The following DRC11 variants were observed in gnomAD, a reference collection of about 807,000 sequenced individuals.
The protein encoded by DRC11 is dynein regulatory complex subunit 11.
chr2:236,402,026 TAA>T, the DRC11 span, among the ~76,000 whole-genome samples: 2 of 152,172 alleles, frequency 1.3e-5, no homozygotes, highest in African/African-American at 4.8e-5. The surrounding 1 kb of genome is among the most constrained non-coding windows in gnomAD (Gnocchi z 6.0). Context: ...ACCATCGGAA[TAA>T]AAGAGGCTGG....
the DRC11 span, among the ~76,000 whole-genome samples, chr2:236,370,612 G>A: frequency 7.9e-5 from 12 of 152,302 alleles, 1 homozygote; most frequent in Admixed American, 7.2e-4. The surrounding 1 kb of genome is among the most constrained non-coding windows in gnomAD (Gnocchi z 5.5). Context: ...CAGGGGTGGG[G>A]ACTGGCAAGA....
At chr2:236,382,170 C>T in the DRC11 span, among the ~76,000 whole-genome samples, 1 of 152,128 alleles carries the variant, frequency 6.6e-6, no homozygotes, top group Admixed American at 6.6e-5. Flanking sequence ...TTATGGATCT[C>T]CAGTTACTCT....
the DRC11 span, among the ~76,000 whole-genome samples, chr2:236,364,338 C>T: frequency 2.8e-5 from 4 of 145,406 alleles, no homozygotes; most frequent in African/African-American, 7.6e-5. Context: ...TTGTCGGCAG[C>T]AGCATTAAAT....
At chr2:236,409,837 A>T in the DRC11 span, among the ~76,000 whole-genome samples, 2 of 152,154 alleles carry the variant, frequency 1.3e-5, no homozygotes, top group Middle Eastern at 3.2e-3. Flanking sequence ...GAATTTTGTC[A>T]AAGGCCTTTT....
the DRC11 span, chr2:236,392,365 G>A: frequency 5.6e-6 from 8 of 1,430,672 alleles, no homozygotes; most frequent in East Asian, 1.7e-4. This position sits in a 1 kb window ranked among gnomAD's most constrained non-coding sequence, Gnocchi z 5.1. Context: ...ACTCCAGAAG[G>A]GTAAAGAAAA....
chr2:236,503,650 G>A, the DRC11 span: 3 of 1,550,818 alleles, frequency 1.9e-6, no homozygotes, highest in Admixed American at 5.9e-5. The surrounding 1 kb of genome is among the most constrained non-coding windows in gnomAD (Gnocchi z 4.9). Flanking sequence ...TCAGCGCTGA[G>A]AGACGGCGTC....
At chr2:236,419,631 AG>A in the DRC11 span, among the ~76,000 whole-genome samples, 1 of 152,176 alleles carries the variant, frequency 6.6e-6, no homozygotes, top group Non-Finnish European at 1.5e-5. This position sits in a 1 kb window ranked among gnomAD's most constrained non-coding sequence, Gnocchi z 4.8. Flanking sequence ...CCCTGCCCAC[AG>A]CTCGTCAAAA....
the DRC11 span, among the ~76,000 whole-genome samples, chr2:236,388,307 C>T: frequency 3.2e-4 from 48 of 148,494 alleles, no homozygotes; most frequent in Admixed American, 2.7e-3. Context: ...ACCAATCAGA[C>T]GTAGATTTGG....
At chr2:236,360,413 A>G in the DRC11 span, among the ~76,000 whole-genome samples, 3 of 152,244 alleles carry the variant, frequency 2.0e-5, no homozygotes, top group African/African-American at 7.2e-5. The surrounding 1 kb of genome is among the most constrained non-coding windows in gnomAD (Gnocchi z 5.8). Flanking sequence ...GGATATATAG[A>G]TGCTTACGAA....
chr2:236,345,147 C>T, the DRC11 span, among the ~76,000 whole-genome samples: 6,439 of 68,182 alleles, frequency 0.094, 127 homozygotes, highest in Middle Eastern at 0.11. Context: ...GTTGTAAATG[C>T]GCTTCCCTCT....
chr2:236,479,537 C>T, the DRC11 span, among the ~76,000 whole-genome samples: 15 of 152,060 alleles, frequency 9.9e-5, no homozygotes, highest in Non-Finnish European at 2.2e-4. This position sits in a 1 kb window ranked among gnomAD's most constrained non-coding sequence, Gnocchi z 4.1. Flanking sequence ...ATGAGGCTTA[C>T]AACAAGTCAT....
the DRC11 span, chr2:236,497,212 G>GTCC: frequency 2.5e-6 from 4 of 1,612,978 alleles, no homozygotes; most frequent in Non-Finnish European, 3.4e-6. This position sits in a 1 kb window ranked among gnomAD's most constrained non-coding sequence, Gnocchi z 5.1. Context: ...ATGGAACTCC[G>GTCC]TGAGTTCCAG....
the DRC11 span, among the ~76,000 whole-genome samples, chr2:236,395,472 TGC>T: frequency 6.6e-6 from 1 of 152,250 alleles, no homozygotes; most frequent in Non-Finnish European, 1.5e-5. Flanking sequence ...TTCTTTGCTC[TGC>T]ACTCCCTTAG....
the DRC11 span, among the ~76,000 whole-genome samples, chr2:236,491,145 T>G: frequency 1.2e-5 from 1 of 80,930 alleles, no homozygotes; most frequent in African/African-American, 5.1e-5. Flanking sequence ...ATATACAGTA[T>G]ATATATACAC....
the DRC11 span, among the ~76,000 whole-genome samples, chr2:236,352,352 G>A: frequency 3.9e-5 from 6 of 152,232 alleles, no homozygotes; most frequent in South Asian, 6.2e-4. This position sits in a 1 kb window ranked among gnomAD's most constrained non-coding sequence, Gnocchi z 7.0. Context: ...AGGACGTGGC[G>A]CATGGGGTAG....
chr2:236,308,661 T>C, the DRC11 span, among the ~76,000 whole-genome samples: 2 of 152,220 alleles, frequency 1.3e-5, no homozygotes, highest in Non-Finnish European at 2.9e-5. This position sits in a 1 kb window ranked among gnomAD's most constrained non-coding sequence, Gnocchi z 6.0. Flanking sequence ...TCCTCTAGGC[T>C]CATCCATGTT....
At chr2:236,430,226 G>C in the DRC11 span, among the ~76,000 whole-genome samples, 8 of 149,378 alleles carry the variant, frequency 5.4e-5, no homozygotes, top group African/African-American at 2.0e-4. This position sits in a 1 kb window ranked among gnomAD's most constrained non-coding sequence, Gnocchi z 6.0. Context: ...CACACACACA[G>C]AGCACACTGG....
At chr2:236,381,000 T>C in the DRC11 span, among the ~76,000 whole-genome samples, 3 of 152,206 alleles carry the variant, frequency 2.0e-5, no homozygotes, top group African/African-American at 7.2e-5. The surrounding 1 kb of genome is among the most constrained non-coding windows in gnomAD (Gnocchi z 4.9). Flanking sequence ...TGGTGCCTGA[T>C]ATAAGCTGAA....
chr2:236,458,441 T>C, the DRC11 span, among the ~76,000 whole-genome samples: 5 of 152,180 alleles, frequency 3.3e-5, no homozygotes, highest in African/African-American at 1.2e-4. Flanking sequence ...AATGTGAGAA[T>C]TCACTTAGGG....
Sources: allele counts gnomAD v4.1 joint callset (sites outside exome capture counted in the v4.1 genomes callset), GRCh38; gene constraint gnomAD v4.1.1; non-coding constraint Gnocchi (gnomAD v3.1); transcripts MANE v1.5; gene names NCBI Gene and HGNC (gene_info 2026-07-23, HGNC 2026-07-21).